Variants in MDGA2 observed in about 807,000 individuals in gnomAD.
The protein encoded by MDGA2 is MAM domain containing glycosylphosphatidylinositol anchor 2.
Under a neutral mutation model 117.8 loss-of-function variants are expected in MDGA2, and 40 were observed. The observed-to-expected ratio is 0.34, with a 90% CI of 0.26 to 0.44. MDGA2 has a LOEUF of 0.44. Ranked by LOEUF, MDGA2 falls within the 20% of genes least tolerant of loss-of-function variation. MDGA2 has a pLI of 1.00. For missense variants in MDGA2, 1,123 were observed against 1,250.6 expected, an observed-to-expected ratio of 0.90 and a Z score of 1.54; for synonymous variants, 452 against 439.0, an observed-to-expected ratio of 1.03 and a Z score of -0.37.
intron 1 of MDGA2, among the ~76,000 whole-genome samples, chr14:47,494,445 T>C (rs546008335): frequency 1.2e-4 from 19 of 152,144 alleles, no homozygotes; most frequent in Non-Finnish European, 2.5e-4. Context: ...AGAAACACAT[T>C]TGCATTGTTT....
intron 1 of MDGA2, among the ~76,000 whole-genome samples, chr14:47,360,851 T>C (rs1053194008): frequency 6.6e-6 from 1 of 151,834 alleles, no homozygotes; most frequent in Admixed American, 6.6e-5. Flanking sequence ...CTGAAAGACA[T>C]GAGACTAAGT....
At chr14:46,908,894 G>C (rs1883596637) in intron 10 of MDGA2, among the ~76,000 whole-genome samples, 1 of 152,108 alleles carries the variant, frequency 6.6e-6, no homozygotes, top group South Asian at 2.1e-4. Context: ...AAGATGGTTT[G>C]AAAATTGTCC....
intron 3 of MDGA2, among the ~76,000 whole-genome samples, chr14:47,145,023 A>T (rs564420893): frequency 2.6e-5 from 4 of 151,964 alleles, no homozygotes; most frequent in East Asian, 3.9e-4. Flanking sequence ...ATTACAAATG[A>T]TTAGAATATG....
intron 1 of MDGA2, among the ~76,000 whole-genome samples, chr14:47,459,967 T>C (rs1200864786): frequency 6.6e-6 from 1 of 152,144 alleles, no homozygotes; most frequent in Non-Finnish European, 1.5e-5. Flanking sequence ...ACTTAAAGTA[T>C]AATAATAAAA....
rs770427572 is a variant in MDGA2, at chr14:47,252,799, G to A, written c.421-34604C>T. Among the ~76,000 whole-genome samples, 5 of 152,268 alleles carry A rather than the reference G, an allele frequency of 3.3e-5. 1 individual carries two copies. The highest frequency in any genetic ancestry group is 4.1e-4 in the South Asian group (2 of 4,826). On this transcript the variant is annotated intron_variant, in intron 2 of 16. Transcript: ENST00000399232. ...TAAAGGAAGAAAATAACATGTACAC[G>A]TGTATTAGTCCATTATCACACTACT... is the stretch of plus-strand genomic sequence containing the variant.
At chr14:47,106,971 T>C (rs949357769) in intron 5 of MDGA2, among the ~76,000 whole-genome samples, 4 of 121,254 alleles carry the variant, frequency 3.3e-5, no homozygotes, top group Non-Finnish European at 7.0e-5. Flanking sequence ...CTAAATTATC[T>C]GCTTCCCTGA....
At chr14:47,316,749 C>T (rs1889822005) in intron 1 of MDGA2, among the ~76,000 whole-genome samples, 1 of 151,744 alleles carries the variant, frequency 6.6e-6, no homozygotes, top group Non-Finnish European at 1.5e-5. Context: ...TCAAAAGGAG[C>T]CAAATATTTG....
chr14:46,967,857 T>C (rs768015837), intron 8 of MDGA2, among the ~76,000 whole-genome samples: 1 of 152,182 alleles, frequency 6.6e-6, no homozygotes, highest in Non-Finnish European at 1.5e-5. Context: ...AGAATGATTA[T>C]AATAATATAC....
Position 47,061,264 on chromosome 14 carries a change from T to C in MDGA2, c.1510A>G (p.Ile504Val), listed in dbSNP as rs747990003. The change falls in exon 7 of 17, where the codon ATA (isoleucine) becomes GTA (valine). Residue 504 changes from isoleucine (I) to valine (V), a missense_variant. Transcript: ENST00000399232. ...TGCCTCTTACCTGTGCTGCTGGATA[T>C]ATTAACATCGATACTGATATCAGAT... ...GISDISIDVN[I>V]SSSTVPPNLT... 5.6e-6 allele frequency: 9 copies of C among 1,613,024 alleles called. No individual in the cohort carries two copies. Among genetic ancestry groups the C allele is most frequent in the Non-Finnish European group, 6.8e-6 (8 of 1,179,208 alleles).
intron 2 of MDGA2, among the ~76,000 whole-genome samples, chr14:47,250,460 C>T (rs780140081): frequency 1.5e-4 from 23 of 152,146 alleles, no homozygotes; most frequent in African/African-American, 2.2e-4. Context: ...TATGTATAAA[C>T]GTAATTCCCA....
chr14:47,422,101 G>A (rs929961894), intron 1 of MDGA2, among the ~76,000 whole-genome samples: 1 of 151,912 alleles, frequency 6.6e-6, no homozygotes, highest in African/African-American at 2.4e-5. Context: ...TAAATTTCCA[G>A]GCCAGCATTT....
intron 1 of MDGA2, among the ~76,000 whole-genome samples, chr14:47,412,688 G>T (rs913464343): frequency 6.6e-5 from 10 of 152,206 alleles, no homozygotes; most frequent in African/African-American, 2.2e-4. Context: ...TACAGAGGGA[G>T]GGAGAGGCTG....
intron 14 of MDGA2, among the ~76,000 whole-genome samples, chr14:46,865,285 TA>T (rs78143852): frequency 0.057 from 8,716 of 152,088 alleles, 355 homozygotes; most frequent in South Asian, 0.12. Context: ...AACTCTTGAT[TA>T]ATCCACATGA....
intron 8 of MDGA2, among the ~76,000 whole-genome samples, chr14:47,027,842 T>C (rs1272643445): frequency 6.6e-6 from 1 of 151,888 alleles, no homozygotes; most frequent in Non-Finnish European, 1.5e-5. Context: ...TTCTGGAAAA[T>C]AATGTTTATT....
At chr14:47,315,632 C>T (rs184296022) in intron 1 of MDGA2, among the ~76,000 whole-genome samples, 1 of 152,124 alleles carries the variant, frequency 6.6e-6, no homozygotes, top group Non-Finnish European at 1.5e-5. Flanking sequence ...CTTTTCAATT[C>T]ATTTGTGTAG....
rs969585668 is a variant in MDGA2 at position 47,105,251 on chromosome 14, C to A, written c.926-8128G>T. On this transcript the variant is annotated intron_variant, in intron 5 of 16. Transcript: ENST00000399232. ...AAGCCCCCAATTGCTTATTTCCGCA[C>A]CCCAACCTCTTATCTCTGTGCCCCA... Among the ~76,000 whole-genome samples the A allele has an allele frequency of 3.9e-5, 6 of 152,156 alleles. No individual in the cohort carries two copies. The East Asian group carries it at 9.7e-4, about 25-fold the overall frequency.
intron 2 of MDGA2, among the ~76,000 whole-genome samples, chr14:47,293,959 TGTAA>T (rs1442365602): frequency 6.6e-6 from 1 of 152,156 alleles, no homozygotes; most frequent in Non-Finnish European, 1.5e-5. Flanking sequence ...TAAGGAAGAC[TGTAA>T]GTGTTTCCTC....
At chr14:47,066,830 A>C (rs1237994425) in intron 6 of MDGA2, among the ~76,000 whole-genome samples, 1 of 152,144 alleles carries the variant, frequency 6.6e-6, no homozygotes, top group East Asian at 1.9e-4. Flanking sequence ...GTTACATTAA[A>C]ACAAAGTGTA....
At chr14:47,112,193 A>T (rs1881077108) in intron 5 of MDGA2, among the ~76,000 whole-genome samples, 1 of 152,188 alleles carries the variant, frequency 6.6e-6, no homozygotes, top group South Asian at 2.1e-4. Flanking sequence ...AGTGAGGAGA[A>T]AAAGGGAGAC....
Sources: gnomAD v4.1 joint callset for allele counts (sites outside exome capture counted in the v4.1 genomes callset) on GRCh38, gnomAD v4.1.1 for gene constraint, MANE v1.5 for transcripts, NCBI Gene and HGNC (gene_info 2026-07-23, HGNC 2026-07-21) for gene names.